PDZRN4: variants seen among roughly 807,000 people sequenced by gnomAD.
PDZRN4 encodes PDZ domain containing ring finger 4.
In PDZRN4, 70 loss-of-function variants were observed where a neutral mutation model predicts 99.0. The observed-to-expected ratio is 0.71, with a 90% CI of 0.58 to 0.86. The LOEUF (loss-of-function observed/expected upper bound fraction) is 0.86, where lower values mean the gene tolerates loss of function less well. Among genes scored for constraint, PDZRN4 ranks in the 40% least tolerant of loss-of-function variants. The pLI, the probability that PDZRN4 is intolerant of heterozygous loss-of-function variation, is 0.00. For synonymous variants in PDZRN4, 551 were observed against 501.6 expected, an observed-to-expected ratio of 1.10 and a Z score of -1.32; for missense variants, 1,474 against 1,331.2, an observed-to-expected ratio of 1.11 and a Z score of -1.67.
Position 41,191,562 on chromosome 12 carries a change from T to C in PDZRN4, c.735+18T>C, listed in dbSNP as rs1388033164. On this transcript the variant is annotated intron_variant, in intron 2 of 9. Transcript: ENST00000402685. ...CAAATCAGGTAAAACACCTTGTTAA[T>C]GCATTACTCGTTACTTATAAAATAA... The C allele has an allele frequency of 2.7e-6, 3 of 1,094,256 alleles. No individual in the cohort carries two copies. The highest frequency in any genetic ancestry group is 2.4e-5 in the East Asian group (1 of 42,296). The allele number at this position is 1,094,256 out of a possible 1,614,324, so 67.8% of individuals were successfully genotyped here. A position where few individuals can be genotyped will look rare whatever the true frequency, so the allele number is the denominator to read the frequency against.
intron 3 of PDZRN4, among the ~76,000 whole-genome samples, chr12:41,320,172 G>A (rs546612640): frequency 6.6e-6 from 1 of 152,304 alleles, no homozygotes; most frequent in Admixed American, 6.5e-5. Context: ...GGCCTTGGCT[G>A]TGTTCCAGGT....
At chr12:41,537,215 C>T (rs1224285188) in intron 5 of PDZRN4, among the ~76,000 whole-genome samples, 1 of 152,100 alleles carries the variant, frequency 6.6e-6, no homozygotes, top group Non-Finnish European at 1.5e-5. Flanking sequence ...TCTGTGTACT[C>T]AGAGGGTGGA....
intron 5 of PDZRN4, among the ~76,000 whole-genome samples, chr12:41,511,154 ATCACT>A (rs1337830901): frequency 6.6e-6 from 1 of 152,068 alleles, no homozygotes; most frequent in African/African-American, 2.4e-5. Flanking sequence ...AATTATGTAG[ATCACT>A]TCAACTTTTT....
intron 3 of PDZRN4, among the ~76,000 whole-genome samples, chr12:41,302,610 A>G (rs2120933217): frequency 6.6e-6 from 1 of 152,256 alleles, no homozygotes; most frequent in Middle Eastern, 3.4e-3. Flanking sequence ...CATAATCCGG[A>G]AAGGAAGTTA....
At chr12:41,486,009 T>A (rs753295341) in intron 3 of PDZRN4, among the ~76,000 whole-genome samples, 5 of 152,160 alleles carry the variant, frequency 3.3e-5, no homozygotes, top group Non-Finnish European at 5.9e-5. Context: ...TATTATTATG[T>A]GAAAAATCAC....
At chr12:41,333,967 A>C (rs1951756212) in intron 3 of PDZRN4, among the ~76,000 whole-genome samples, 1 of 152,114 alleles carries the variant, frequency 6.6e-6, no homozygotes, top group Non-Finnish European at 1.5e-5. Context: ...TCCTGGGCCA[A>C]AGCAAAATTT....
At chr12:41,382,425 A>G (rs1007569939) in intron 3 of PDZRN4, among the ~76,000 whole-genome samples, 1 of 152,172 alleles carries the variant, frequency 6.6e-6, no homozygotes, top group African/African-American at 2.4e-5. Context: ...GAAGTTCATC[A>G]AGCTTTTCTG....
chr12:41,383,967 A>C (rs1952145348), intron 3 of PDZRN4, among the ~76,000 whole-genome samples: 1 of 133,052 alleles, frequency 7.5e-6, no homozygotes, highest in South Asian at 2.6e-4. Context: ...TTCACTATGG[A>C]GATTTTTTTT....
chr12:41,384,202 G>A lies in PDZRN4; in HGVS notation c.844-122254G>A, dbSNP rs1011193870. Among the ~76,000 whole-genome samples the A allele has an allele frequency of 2.6e-5, 4 of 151,988 alleles. No individual in the cohort carries two copies. In the East Asian group the frequency reaches 7.7e-4, roughly 29 times the overall value. On this transcript the variant is annotated intron_variant, in intron 3 of 9. Coordinates refer to ENST00000402685, the MANE Select transcript of PDZRN4 (RefSeq NM_001164595.2). ...TTCATTTATTAAATAACAACAAAAA[G>A]TCATTTGAATAATGTTTTTGCAAAA...
intron 3 of PDZRN4, among the ~76,000 whole-genome samples, chr12:41,301,790 G>A (rs1377205912): frequency 2.0e-5 from 3 of 151,998 alleles, no homozygotes; most frequent in African/African-American, 7.2e-5. Context: ...GATGGAAAGA[G>A]CCTGGGATTT....
intron 3 of PDZRN4, among the ~76,000 whole-genome samples, chr12:41,470,136 C>G (rs1024061889): frequency 1.3e-5 from 2 of 151,952 alleles, no homozygotes; most frequent in Non-Finnish European, 2.9e-5. Context: ...CTCTGTTTAT[C>G]GAGATGGGTT....
chr12:41,254,061 G>A (rs886274384), intron 3 of PDZRN4, among the ~76,000 whole-genome samples: 20 of 151,572 alleles, frequency 1.3e-4, no homozygotes, highest in Non-Finnish European at 1.9e-4. Flanking sequence ...GTGTGTTTGC[G>A]TGTGTGTGTT....
At chr12:41,328,310 A>G (rs1180339005) in intron 3 of PDZRN4, among the ~76,000 whole-genome samples, 2 of 152,122 alleles carry the variant, frequency 1.3e-5, no homozygotes, top group Admixed American at 6.6e-5. Flanking sequence ...TATAATACTG[A>G]AAAATATAGA....
chr12:41,520,619 G>GACACACACAC (rs10580466), intron 5 of PDZRN4, among the ~76,000 whole-genome samples: 11 of 137,364 alleles, frequency 8.0e-5, no homozygotes, highest in East Asian at 2.1e-4. Context: ...CCTAAATACA[G>GACACACACAC]ACACACACAC....
intron 3 of PDZRN4, among the ~76,000 whole-genome samples, chr12:41,371,329 T>C (rs1353253986): frequency 6.6e-6 from 1 of 151,926 alleles, no homozygotes. Flanking sequence ...TTTTGATTTA[T>C]CAGAAGAAAT....
At chr12:41,305,675 A>C (rs1211838056) in intron 3 of PDZRN4, among the ~76,000 whole-genome samples, 2 of 152,128 alleles carry the variant, frequency 1.3e-5, no homozygotes, top group African/African-American at 4.8e-5. Context: ...CCTACCTCCA[A>C]ATACCATCAC....
chr12:41,265,329 A>G (rs1381306574), intron 3 of PDZRN4, among the ~76,000 whole-genome samples: 2 of 152,196 alleles, frequency 1.3e-5, no homozygotes, highest in Admixed American at 1.3e-4. Context: ...TCTAAGTTTG[A>G]AAATACACCT....
intron 3 of PDZRN4, among the ~76,000 whole-genome samples, chr12:41,408,637 G>C (rs527398200): frequency 2.6e-4 from 40 of 152,124 alleles, no homozygotes; most frequent in Non-Finnish European, 5.1e-4. Flanking sequence ...TTTGGAAATC[G>C]GAATTTTATA....
In PDZRN4 at chr12:41,239,215, A is replaced by G. The variant is rs1951088109; in HGVS notation, c.843+45027A>G. Among the ~76,000 whole-genome samples the G allele has an allele frequency of 2.0e-5, 3 of 152,234 alleles. No homozygotes were observed. The South Asian group carries it at 6.2e-4, about 31-fold the overall frequency. ...ATCCTCAGCAAACTAACGCAGGGAC[A>G]GAAAACCAAACACCACATGTTCTCA... On this transcript the variant is annotated intron_variant, in intron 3 of 9. Coordinates refer to ENST00000402685, the MANE Select transcript of PDZRN4 (RefSeq NM_001164595.2).
Sources: gnomAD v4.1 joint callset for allele counts (sites outside exome capture counted in the v4.1 genomes callset) on GRCh38, gnomAD v4.1.1 for gene constraint, MANE v1.5 for transcripts, NCBI Gene and HGNC (gene_info 2026-07-23, HGNC 2026-07-21) for gene names.